GPC5: variants seen among roughly 807,000 people sequenced by gnomAD.
GPC5 encodes glypican-5.
Under a neutral mutation model 53.9 loss-of-function variants are expected in GPC5, and 47 were observed. The ratio of observed to expected loss-of-function variants is 0.87; its 90% CI spans 0.69 to 1.11. The LOEUF is 1.11. Ranked by LOEUF, GPC5 falls within the 50% of genes most tolerant of loss-of-function variation. The pLI is 0.00. For missense variants in GPC5, 748 were observed against 713.1 expected (o/e 1.05, Z -0.56); for synonymous variants, 286 against 263.3 (o/e 1.09, Z -0.84).
At chr13:92,682,362 T>C (rs534343180) in intron 7 of GPC5, among the ~76,000 whole-genome samples, 1 of 152,330 alleles carries the variant, frequency 6.6e-6, no homozygotes, top group East Asian at 1.9e-4. Context: ...ATTAATTTGT[T>C]AAAGTGCACG....
chr13:92,192,565 G>A (rs551290708), intron 7 of GPC5, among the ~76,000 whole-genome samples: 2 of 152,102 alleles, frequency 1.3e-5, no homozygotes, highest in East Asian at 3.9e-4. Flanking sequence ...AGCAATATGA[G>A]TTTATTTTTA....
chr13:91,934,140 C>T (rs1443669922), intron 6 of GPC5, among the ~76,000 whole-genome samples: 5 of 151,804 alleles, frequency 3.3e-5, no homozygotes, highest in Admixed American at 2.6e-4. Flanking sequence ...GGCTATAAAA[C>T]TTCATAGCCT....
At chr13:92,644,800 T>A (rs576958721) in intron 7 of GPC5, among the ~76,000 whole-genome samples, 1 of 152,044 alleles carries the variant, frequency 6.6e-6, no homozygotes, top group Admixed American at 6.6e-5. Flanking sequence ...ACAATTAACA[T>A]GGTGGAGAAT....
intron 7 of GPC5, among the ~76,000 whole-genome samples, chr13:92,699,716 G>T (rs1887668106): frequency 6.6e-6 from 1 of 152,134 alleles, no homozygotes. Flanking sequence ...AGGTTGTTCA[G>T]TTTCCATGTA....
In GPC5 at chr13:91,633,163, T is replaced by C. The variant is rs143723372; in HGVS notation, c.326-60024T>C. Reference sequence around the variant, plus strand: ...AGAATACCATTCTGGGAGAAGACAGTGGACATAGATGAATTTCCTCCTTCA... The same window carrying C: ...AGAATACCATTCTGGGAGAAGACAGCGGACATAGATGAATTTCCTCCTTCA... On this transcript the variant is annotated intron_variant, in intron 2 of 7. Transcript: ENST00000377067. 9.3e-3 allele frequency among the ~76,000 whole-genome samples: 1,414 copies of C among 152,300 alleles called. 21 individuals are homozygous for C. Among genetic ancestry groups the C allele is most frequent in the African/African-American group, 0.033 (1,355 of 41,568 alleles).
At chr13:91,760,857 A>G (rs951908734) in intron 5 of GPC5, among the ~76,000 whole-genome samples, 2 of 152,198 alleles carry the variant, frequency 1.3e-5, no homozygotes, top group South Asian at 4.1e-4. Flanking sequence ...TGATTTTTGA[A>G]ACAAAATCTA....
At chr13:91,955,900 G>A (rs1301770227) in intron 6 of GPC5, among the ~76,000 whole-genome samples, 1 of 152,142 alleles carries the variant, frequency 6.6e-6, no homozygotes, top group African/African-American at 2.4e-5. Context: ...CTACCAGCAG[G>A]GTCAAAGCAT....
chr13:91,791,755 C>A (rs2037968648), intron 5 of GPC5, among the ~76,000 whole-genome samples: 1 of 151,860 alleles, frequency 6.6e-6, no homozygotes, highest in South Asian at 2.1e-4. Context: ...CTATCAGTCA[C>A]TACATACATC....
intron 2 of GPC5, among the ~76,000 whole-genome samples, chr13:91,531,401 C>A (rs1334956611): frequency 2.6e-5 from 4 of 152,008 alleles, no homozygotes; most frequent in Admixed American, 1.3e-4. Context: ...TCATGGCAAG[C>A]CTATTGACTT....
In GPC5 at chr13:91,489,299, G is replaced by A. The variant is rs564318152; in HGVS notation, c.325+40377G>A. On this transcript the variant is annotated intron_variant, in intron 2 of 7. Transcript: ENST00000377067. ...GGTTTTGGGGCTTGTGGAGCATGAC[G>A]GAACCTACTGACATGTGATGTCTCC... Among the ~76,000 whole-genome samples the A allele has an allele frequency of 2.8e-4, 43 of 152,152 alleles. 1 individual carries two copies. Among genetic ancestry groups the A allele is most frequent in the Middle Eastern group, 6.8e-3 (2 of 294 alleles).
chr13:91,697,426 C>G (rs528030905), intron 3 of GPC5, among the ~76,000 whole-genome samples: 1 of 152,274 alleles, frequency 6.6e-6, no homozygotes, highest in South Asian at 2.1e-4. Flanking sequence ...CAGGCATGAG[C>G]CACCACGCCT....
At chr13:92,403,960 G>A (rs940370085) in intron 7 of GPC5, among the ~76,000 whole-genome samples, 1 of 151,796 alleles carries the variant, frequency 6.6e-6, no homozygotes, top group Non-Finnish European at 1.5e-5. Context: ...AAAGGTATTT[G>A]AAATTATTAT....
intron 7 of GPC5, among the ~76,000 whole-genome samples, chr13:92,651,067 C>A (rs1453296263): frequency 1.7e-4 from 26 of 152,044 alleles, no homozygotes; most frequent in Non-Finnish European, 3.7e-4. Context: ...CATGTCCCTG[C>A]AAAGGACATG....
chr13:91,700,437 TA>T (rs1444792729), intron 3 of GPC5, among the ~76,000 whole-genome samples: 1 of 152,178 alleles, frequency 6.6e-6, no homozygotes, highest in Admixed American at 6.6e-5. Flanking sequence ...CTGAGAGAGG[TA>T]AAAATATTAA....
chr13:91,505,353 A>T (rs1464897611), intron 2 of GPC5, among the ~76,000 whole-genome samples: 1 of 152,212 alleles, frequency 6.6e-6, no homozygotes, highest in Non-Finnish European at 1.5e-5. Flanking sequence ...TAATAATTGG[A>T]TGATTACTTG....
intron 7 of GPC5, among the ~76,000 whole-genome samples, chr13:92,360,132 T>C (rs1370785822): frequency 6.6e-6 from 1 of 151,752 alleles, no homozygotes; most frequent in Admixed American, 6.6e-5. Context: ...TTGGCATCTT[T>C]GCCAAAGAAT....
intron 5 of GPC5, among the ~76,000 whole-genome samples, chr13:91,874,788 A>C (rs1594633315): frequency 6.6e-6 from 1 of 152,302 alleles, no homozygotes; most frequent in African/African-American, 2.4e-5. Context: ...TTATTTGCTG[A>C]ATGGCCTTTT....
chr13:91,541,216 TTG>T (rs2029907090), intron 2 of GPC5, among the ~76,000 whole-genome samples: 1 of 152,184 alleles, frequency 6.6e-6, no homozygotes, highest in Non-Finnish European at 1.5e-5. Context: ...TTTAATATTT[TTG>T]CTACATATTT....
intron 7 of GPC5, among the ~76,000 whole-genome samples, chr13:92,818,635 G>T (rs1877566858): frequency 6.6e-6 from 1 of 151,872 alleles, no homozygotes. Flanking sequence ...GTCTGGCTCC[G>T]ATATTCTTTA....
Sources: allele counts gnomAD v4.1 joint callset (sites outside exome capture counted in the v4.1 genomes callset), GRCh38; gene constraint gnomAD v4.1.1; transcripts MANE v1.5; gene names NCBI Gene and HGNC (gene_info 2026-07-23, HGNC 2026-07-21).